The following TBC1D31 variants were observed in gnomAD, a reference collection of about 807,000 sequenced individuals.
TBC1D31 encodes the protein TBC1 domain family member 31.
In TBC1D31, 99 loss-of-function variants were observed where a neutral mutation model predicts 132.9. That is an observed-to-expected ratio of 0.74 (90% CI 0.63 to 0.88). The LOEUF (loss-of-function observed/expected upper bound fraction) is 0.88, where lower values mean the gene tolerates loss of function less well. Among genes scored for constraint, TBC1D31 ranks in the 40% least tolerant of loss-of-function variants. The pLI is 0.00. For synonymous variants in TBC1D31, 385 were observed against 419.4 expected (o/e 0.92, Z 1.00); for missense variants, 1,134 against 1,256.6 (o/e 0.90, Z 1.48).
At chr8:123,088,224 A>G (rs570886018) in intron 4 of TBC1D31, among the ~76,000 whole-genome samples, 42 of 152,184 alleles carry the variant, frequency 2.8e-4, no homozygotes, top group African/African-American at 9.9e-4. Context: ...AAAATACACT[A>G]TAGTTTAAGT....
intron 17 of TBC1D31, among the ~76,000 whole-genome samples, chr8:123,136,605 C>A (rs767585427): frequency 6.6e-6 from 1 of 152,102 alleles, no homozygotes; most frequent in Non-Finnish European, 1.5e-5. Flanking sequence ...TGCCCACCAC[C>A]GCACCTGGCT....
At chr8:123,139,180 A>G (rs1401288140) in intron 17 of TBC1D31, among the ~76,000 whole-genome samples, 1 of 151,860 alleles carries the variant, frequency 6.6e-6, no homozygotes, top group Admixed American at 6.6e-5. Context: ...TTTAAATACA[A>G]TGCTCCTCAA....
In TBC1D31 at chr8:123,128,356, C is replaced by T; in HGVS notation, c.1960C>T (p.Pro654Ser). The T allele has an allele frequency of 6.2e-7, 1 of 1,613,188 alleles. No individual in the cohort carries two copies. ...AGTTTATCATCTCATGGAGACCACG[C>T]CTACTGACATTCATCCAGACAGCAT... is the stretch of plus-strand genomic sequence containing the variant. ...RQVYHLMETT[P>S]TDIHPDSMLN... Residue 654 changes from proline to serine, a missense_variant, in exon 14 of 22, where the codon CCT becomes TCT. Transcript: ENST00000287380.
At chr8:123,101,314 T>C (rs1027844094) in intron 7 of TBC1D31, among the ~76,000 whole-genome samples, 2 of 152,238 alleles carry the variant, frequency 1.3e-5, no homozygotes, top group African/African-American at 4.8e-5. Flanking sequence ...TCCCATCTCA[T>C]AGGCTAGAAA....
rs780287969 is a variant in TBC1D31, at chr8:123,105,393, A to C, written c.1138A>C (p.Lys380Gln). ...VTSGRVQQPA[K>Q]SRESKMQTRI... ...ATCAGGGAGAGTACAGCAGCCAGCA[A>C]AATCTAGGGAAAGCAAAATGCAAAC... Residue 380 changes from lysine to glutamine, a missense_variant, in exon 8 of 22, where the codon AAA (lysine) becomes CAA (glutamine). Physicochemically the swap from Lys to Gln is moderately conservative, Grantham distance 53. Coordinates refer to ENST00000287380, the MANE Select transcript of TBC1D31 (RefSeq NM_145647.4). 2.5e-6 allele frequency: 4 copies of C among 1,613,430 alleles called. No homozygotes were observed. Among genetic ancestry groups the C allele is most frequent in the Admixed American group, 3.3e-5 (2 of 59,966 alleles).
At chr8:123,148,042 G>A (rs1278445884) in intron 20 of TBC1D31, among the ~76,000 whole-genome samples, 12 of 151,442 alleles carry the variant, frequency 7.9e-5, no homozygotes, top group Admixed American at 6.6e-5. Context: ...CAGGAGAATC[G>A]CTTGAACCCA....
At position 123,118,511 on chromosome 8, in the gene TBC1D31, G is replaced by A. The variant is rs189985559; in HGVS notation, c.1437-1544G>A. Among the ~76,000 whole-genome samples, 281 of 152,258 alleles carry A rather than the reference G, an allele frequency of 1.8e-3. 1 individual carries two copies. The highest frequency in any genetic ancestry group is 1.7e-3 in the Non-Finnish European group (118 of 68,014). On this transcript the variant is annotated intron_variant, in intron 10 of 21. Coordinates refer to ENST00000287380, the MANE Select transcript of TBC1D31 (RefSeq NM_145647.4). Reference sequence around the variant, plus strand: ...TCTGAGTATGACATATCCAGAAGAGGTTGATAAGAATAAAAATCTCTACAT... The same window carrying A: ...TCTGAGTATGACATATCCAGAAGAGATTGATAAGAATAAAAATCTCTACAT...
chr8:123,109,620 G>C lies in TBC1D31; in HGVS notation c.1436G>C (p.Arg479Thr). 1 of 1,607,276 alleles carries C rather than the reference G, an allele frequency of 6.2e-7. No individual in the cohort carries two copies. Among genetic ancestry groups the C allele is most frequent in the South Asian group, 1.1e-5 (1 of 90,204 alleles). Residue 479 changes from arginine (R) to threonine (T), a missense_variant and splice_region_variant, in exon 10 of 22, where the codon AGA (arginine) becomes ACA (threonine). By Grantham distance (71) the Arg-to-Thr change is moderately conservative. Coordinates refer to ENST00000287380, the MANE Select transcript of TBC1D31 (RefSeq NM_145647.4). ...AGGAAGCTACTCAGAGTATTACAGAGGTATGTTCTATATATTGCAGCAATG... is the reference window on the plus strand; with the variant it reads ...AGGAAGCTACTCAGAGTATTACAGACGTATGTTCTATATATTGCAGCAATG... Reference protein sequence around the residue: ...KSRKLLRVLQRTLSALAHWSV... With the variant: ...KSRKLLRVLQTTLSALAHWSV...
In TBC1D31 at chr8:123,109,489, C is replaced by G; in HGVS notation, c.1305C>G (p.Arg435=). The change falls in exon 10 of 22, where the codon CGC becomes CGG. Residue 435 remains arginine, a synonymous_variant. Transcript: ENST00000287380. ...TTTATTTCAGAATGTTCATTTGGCG[C>G]TCTCTGCTACAACTGCCTGAAAATC... The part of the protein sequence containing the change: ...YPTKYRMFIW[R]SLLQLPENHT... 1 of 1,613,182 alleles carries G rather than the reference C, an allele frequency of 6.2e-7. No individual in the cohort carries two copies. Among genetic ancestry groups the G allele is most frequent in the South Asian group, 1.1e-5 (1 of 90,870 alleles).
At chr8:123,096,724 A>G (rs1451140533) in intron 5 of TBC1D31, among the ~76,000 whole-genome samples, 1 of 152,212 alleles carries the variant, frequency 6.6e-6, no homozygotes. Flanking sequence ...ACACTTTTTA[A>G]AAATTAGTAA....
At chr8:123,140,286 CGGGAGGTGGA>C (rs1563751348) in intron 17 of TBC1D31, among the ~76,000 whole-genome samples, 1 of 152,082 alleles carries the variant, frequency 6.6e-6, no homozygotes, top group African/African-American at 2.4e-5. Flanking sequence ...CACTTGAACC[CGGGAGGTGGA>C]GGTTGCAGTG....
At chr8:123,124,938 C>CAA (rs1310001681) in intron 11 of TBC1D31, among the ~76,000 whole-genome samples, 2,183 of 80,988 alleles carry the variant, frequency 0.027, 79 homozygotes, top group African/African-American at 0.085. Context: ...CTCCGTCTCA[C>CAA]AAAAAAAAAA....
At chr8:123,087,142 A>T (rs967584792) in intron 4 of TBC1D31, among the ~76,000 whole-genome samples, 2 of 152,234 alleles carry the variant, frequency 1.3e-5, no homozygotes, top group African/African-American at 4.8e-5. Context: ...TCAAATGAGC[A>T]CACAGGCCCT....
At chr8:123,094,002 C>T (rs990663466) in intron 5 of TBC1D31, among the ~76,000 whole-genome samples, 15 of 151,914 alleles carry the variant, frequency 9.9e-5, no homozygotes, top group Admixed American at 8.5e-4. Flanking sequence ...ACCAGCCTTT[C>T]CTCCATCAGA....
chr8:123,074,728 C>T (rs1032835853), intron 1 of TBC1D31, among the ~76,000 whole-genome samples: 1 of 152,168 alleles, frequency 6.6e-6, no homozygotes, highest in Non-Finnish European at 1.5e-5. Context: ...TTTAGACGGG[C>T]AGAGAGCACT....
chr8:123,101,546 C>G (rs1162344679), intron 7 of TBC1D31, among the ~76,000 whole-genome samples: 1 of 152,118 alleles, frequency 6.6e-6, no homozygotes. Context: ...TCCTGAGTAG[C>G]TGGGATTACA....
At chr8:123,149,004 G>T (rs980443248) in intron 20 of TBC1D31, among the ~76,000 whole-genome samples, 1 of 151,792 alleles carries the variant, frequency 6.6e-6, no homozygotes, top group Non-Finnish European at 1.5e-5. Flanking sequence ...CCGAGATCAC[G>T]CCACTGCACT....
intron 18 of TBC1D31, among the ~76,000 whole-genome samples, chr8:123,141,561 C>T (rs1821672484): frequency 1.4e-5 from 2 of 145,768 alleles, no homozygotes; most frequent in Admixed American, 1.4e-4. Context: ...TCTCTATTAT[C>T]TCTTTAACAA....
chr8:123,094,741 A>T (rs1563687588), intron 5 of TBC1D31, among the ~76,000 whole-genome samples: 1 of 151,696 alleles, frequency 6.6e-6, no homozygotes. Flanking sequence ...GGGTTTCACC[A>T]TGTTGGCCAG....
Sources: allele counts gnomAD v4.1 joint callset (sites outside exome capture counted in the v4.1 genomes callset), GRCh38; gene constraint gnomAD v4.1.1; transcripts MANE v1.5; gene names NCBI Gene and HGNC (gene_info 2026-07-23, HGNC 2026-07-21).